The following RB1CC1 variants were observed in gnomAD, a reference collection of about 807,000 sequenced individuals.
RB1CC1 encodes RB1 inducible coiled-coil 1.
A neutral mutation model predicts 177.5 loss-of-function variants in RB1CC1; 46 were observed. The ratio of observed to expected loss-of-function variants is 0.26; its 90% CI spans 0.20 to 0.33. The LOEUF (loss-of-function observed/expected upper bound fraction) is 0.33, where lower values mean the gene tolerates loss of function less well. RB1CC1 is among the 10% of genes least tolerant of loss of function. RB1CC1 has a pLI of 1.00. For synonymous variants in RB1CC1, 666 were observed against 613.6 expected (o/e 1.09, Z -1.26); for missense variants, 1,703 against 1,816.3 (o/e 0.94, Z 1.13).
chr8:52,627,968 A>T, intron 22 of RB1CC1, 64 bp downstream of exon 22: 2 of 1,400,304 alleles, frequency 1.4e-6, no homozygotes, highest in Non-Finnish European at 1.9e-6. Context: ...AGGGAAAAAA[A>T]AATCTTTACT....
intron 1 of RB1CC1, among the ~76,000 whole-genome samples, chr8:52,692,561 A>G (rs1282048348): frequency 6.6e-6 from 1 of 152,198 alleles, no homozygotes; most frequent in Non-Finnish European, 1.5e-5. Flanking sequence ...GGCTCAAAGA[A>G]GTTATTTCCT....
intron 21 of RB1CC1, among the ~76,000 whole-genome samples, chr8:52,628,580 A>C (rs559773458): frequency 6.6e-6 from 1 of 152,192 alleles, no homozygotes; most frequent in Non-Finnish European, 1.5e-5. Flanking sequence ...CTTGTCTCCA[A>C]GCGTAGTGCT....
intron 18 of RB1CC1, among the ~76,000 whole-genome samples, chr8:52,637,155 C>G (rs1002772870): frequency 6.6e-6 from 1 of 152,136 alleles, no homozygotes. Flanking sequence ...AACTGGCAGA[C>G]CAATTTGGGG....
At chr8:52,698,467 C>T (rs147239271) in intron 1 of RB1CC1, among the ~76,000 whole-genome samples, 212 of 151,772 alleles carry the variant, frequency 1.4e-3, no homozygotes, top group African/African-American at 4.2e-3. Context: ...GGACTACCAC[C>T]ACGCCCAGCC....
intron 5 of RB1CC1, among the ~76,000 whole-genome samples, chr8:52,681,517 C>T (rs1853717052): frequency 6.6e-6 from 1 of 152,168 alleles, no homozygotes; most frequent in Non-Finnish European, 1.5e-5. Context: ...GAAATATCAC[C>T]TCTAATTCCT....
At chr8:52,677,011 G>C (rs2150568459) in intron 5 of RB1CC1, among the ~76,000 whole-genome samples, 1 of 152,226 alleles carries the variant, frequency 6.6e-6, no homozygotes, top group South Asian at 2.1e-4. Flanking sequence ...TGAGATTCTA[G>C]AAAATATTTA....
chr8:52,630,952 C>A (rs1848708039), intron 20 of RB1CC1, among the ~76,000 whole-genome samples: 1 of 152,180 alleles, frequency 6.6e-6, no homozygotes, highest in South Asian at 2.1e-4. Context: ...GGCTGCTGCT[C>A]ACAGCCGTCA....
At chr8:52,671,357 A>T (rs1416804607) in intron 7 of RB1CC1, among the ~76,000 whole-genome samples, 1 of 152,228 alleles carries the variant, frequency 6.6e-6, no homozygotes, top group African/African-American at 2.4e-5. Context: ...TACGGAAAAA[A>T]AATCTTGGCA....
chr8:52,689,107 T>C (rs962860508), intron 1 of RB1CC1, among the ~76,000 whole-genome samples: 1 of 152,182 alleles, frequency 6.6e-6, no homozygotes, highest in Non-Finnish European at 1.5e-5. Context: ...ATCCAATCCC[T>C]CTGAAACTCA....
rs1283879648 is a variant in RB1CC1 at position 52,657,121 on chromosome 8, T to C, written c.2708A>G (p.Glu903Gly). Reference sequence around the variant, plus strand: ...ATTATCTTTATTTTGTAAAACCTCCTCAAGGCATACTAACTCTCCCTTCAA... The same window carrying C: ...ATTATCTTTATTTTGTAAAACCTCCCCAAGGCATACTAACTCTCCCTTCAA... ...KKLKGELVCL[E>G]EVLQNKDNEF... Residue 903 changes from glutamate to glycine, a missense_variant, in exon 15 of 24, where the codon GAG becomes GGG. By Grantham distance (98) the Glu-to-Gly change is moderately conservative. Coordinates refer to ENST00000025008, the MANE Select transcript of RB1CC1 (RefSeq NM_014781.5). 2 of 1,611,632 alleles carry C rather than the reference T, an allele frequency of 1.2e-6. No individual in the cohort carries two copies. The highest frequency in any genetic ancestry group is 2.2e-5 in the East Asian group (1 of 44,822).
At position 52,628,085 on chromosome 8, in the gene RB1CC1, T is replaced by C; in HGVS notation, c.4583A>G (p.Tyr1528Cys). Residue 1528 changes from tyrosine to cysteine, a missense_variant, in exon 22 of 24, where the codon TAT (tyrosine) becomes TGT (cysteine). Coordinates refer to ENST00000025008, the MANE Select transcript of RB1CC1 (RefSeq NM_014781.5). ...YVLFTVSPTLYFLHSESLPAL... is the reference protein window; with the variant it reads ...YVLFTVSPTLCFLHSESLPAL... ...AGGTAGAGACTCTGAATGTAGAAAA[T>C]ATAAAGTAGGACTAACAGTAAATAA... The C allele has an allele frequency of 6.2e-7, 1 of 1,605,984 alleles. No individual in the cohort carries two copies. The highest frequency in any genetic ancestry group is 8.5e-7 in the Non-Finnish European group (1 of 1,174,914).
At chr8:52,625,997 A>G (rs867984281) in intron 22 of RB1CC1, among the ~76,000 whole-genome samples, 3 of 152,238 alleles carry the variant, frequency 2.0e-5, no homozygotes, top group African/African-American at 7.2e-5. Context: ...CGATCACATG[A>G]CAGAAACAGA....
At chr8:52,674,417 G>A (rs1276359506) in intron 6 of RB1CC1, 143 bp from the exon 7 acceptor site, 1 of 723,092 alleles carries the variant, frequency 1.4e-6, no homozygotes, top group Non-Finnish European at 2.3e-6. Context: ...TAGTCTATGA[G>A]CTAGCTATTC....
At chr8:52,688,094 G>A (rs906458934) in intron 1 of RB1CC1, among the ~76,000 whole-genome samples, 1 of 152,124 alleles carries the variant, frequency 6.6e-6, no homozygotes, top group Non-Finnish European at 1.5e-5. Flanking sequence ...CGTCATCTTA[G>A]GACCACTGTG....
At chr8:52,664,564 T>C (rs1851904248) in intron 8 of RB1CC1, among the ~76,000 whole-genome samples, 1 of 152,112 alleles carries the variant, frequency 6.6e-6, no homozygotes. Flanking sequence ...TTAGGGGGAA[T>C]GAAGATGTTG....
intron 8 of RB1CC1, among the ~76,000 whole-genome samples, chr8:52,666,423 C>T (rs1335851540): frequency 6.6e-6 from 1 of 151,370 alleles, no homozygotes; most frequent in East Asian, 1.9e-4. Flanking sequence ...GAGACTGAGG[C>T]AAAAGAATCG....
chr8:52,627,717 C>CA (rs1347970095), intron 22 of RB1CC1, among the ~76,000 whole-genome samples: 11 of 152,002 alleles, frequency 7.2e-5, no homozygotes, highest in African/African-American at 2.2e-4. Context: ...AACAAATAAG[C>CA]ATACATTAAT....
At chr8:52,680,307 G>GT in intron 5 of RB1CC1, among the ~76,000 whole-genome samples, 1 of 152,196 alleles carries the variant, frequency 6.6e-6, no homozygotes, top group Non-Finnish European at 1.5e-5. Context: ...AAAAAGAAAC[G>GT]TATCACTGAT....
At chr8:52,670,127 C>T (rs905533400) in intron 7 of RB1CC1, among the ~76,000 whole-genome samples, 1 of 152,066 alleles carries the variant, frequency 6.6e-6, no homozygotes, top group Admixed American at 6.5e-5. Context: ...ACATGGGTAT[C>T]GCCCTGTTAC....
Sources: gnomAD v4.1 joint callset for allele counts (sites outside exome capture counted in the v4.1 genomes callset) on GRCh38, gnomAD v4.1.1 for gene constraint, MANE v1.5 for transcripts, NCBI Gene and HGNC (gene_info 2026-07-23, HGNC 2026-07-21) for gene names.